The following SIMC1 variants were observed in gnomAD, a reference collection of about 807,000 sequenced individuals.
SIMC1 encodes the protein SUMO-interacting motif-containing protein 1.
SIMC1 carries 55 observed loss-of-function variants against 82.3 expected under a neutral mutation model. That is an observed-to-expected ratio of 0.67 (90% CI 0.54 to 0.84). SIMC1 has a LOEUF of 0.84. Among genes scored for constraint, SIMC1 ranks in the 40% least tolerant of loss-of-function variants. The pLI, the probability that SIMC1 is intolerant of heterozygous loss-of-function variation, is 0.00. For missense variants in SIMC1, 915 were observed against 1,107.2 expected, an observed-to-expected ratio of 0.83 and a Z score of 2.46; for synonymous variants, 353 against 426.3, an observed-to-expected ratio of 0.83 and a Z score of 2.12.
At chr5:176,324,070 C>G (rs866611542) in intron 6 of SIMC1, among the ~76,000 whole-genome samples, 15 of 151,836 alleles carry the variant, frequency 9.9e-5, no homozygotes, top group African/African-American at 3.4e-4. Context: ...GAGGTTGCCC[C>G]GACTCCTAAT....
rs561041635 is a variant in SIMC1 at position 176,262,450 on chromosome 5, TCC to T, written c.129+23814_129+23815del. 9.5e-3 allele frequency among the ~76,000 whole-genome samples: 1,408 copies of T among 148,722 alleles called. 15 individuals are homozygous for T. Among genetic ancestry groups the T allele is most frequent in the Middle Eastern group, 0.033 (9 of 272 alleles). On this transcript the variant is annotated intron_variant, in intron 1 of 9. Coordinates refer to ENST00000429602, the MANE Select transcript of SIMC1 (RefSeq NM_001308195.2). ...TAAGGCAAGGATGTCTCCTCACTAC[TCC>T]TTTTCAGCATTGTACTGGAAGTCCT...
At chr5:176,339,409 G>A (rs564004126) in intron 9 of SIMC1, among the ~76,000 whole-genome samples, 1 of 152,248 alleles carries the variant, frequency 6.6e-6, no homozygotes, top group African/African-American at 2.4e-5. Flanking sequence ...ATGATATGTG[G>A]TTGTGCAGTT....
intron 4 of SIMC1, chr5:176,308,209 C>CAAATA: frequency 6.6e-7 from 1 of 1,513,154 alleles, no homozygotes; most frequent in East Asian, 2.3e-5. Flanking sequence ...CAAGGAGTGA[C>CAAATA]TCCAAATTTG....
intron 7 of SIMC1, among the ~76,000 whole-genome samples, chr5:176,332,703 T>C (rs1005029515): frequency 6.6e-6 from 1 of 152,210 alleles, no homozygotes; most frequent in African/African-American, 2.4e-5. Context: ...CAATATTACA[T>C]ATTATTGGAT....
At chr5:176,259,049 A>G (rs1388837043) in intron 1 of SIMC1, among the ~76,000 whole-genome samples, 2 of 151,882 alleles carry the variant, frequency 1.3e-5, no homozygotes, top group South Asian at 2.1e-4. Flanking sequence ...ACCACTATCT[A>G]ATTTTAGAAC....
chr5:176,309,796 C>G (rs1764585454), intron 4 of SIMC1, among the ~76,000 whole-genome samples: 1 of 152,012 alleles, frequency 6.6e-6, no homozygotes, highest in Non-Finnish European at 1.5e-5. Context: ...AAAAAATTAG[C>G]TGGGCACCAT....
intron 9 of SIMC1, among the ~76,000 whole-genome samples, chr5:176,342,274 C>T (rs1766183117): frequency 6.6e-6 from 1 of 152,140 alleles, no homozygotes; most frequent in African/African-American, 2.4e-5. Flanking sequence ...TATTTACAAC[C>T]CTCTAAGTCT....
intron 1 of SIMC1, among the ~76,000 whole-genome samples, chr5:176,249,027 A>G (rs1460366733): frequency 1.3e-5 from 2 of 152,160 alleles, no homozygotes; most frequent in African/African-American, 4.8e-5. Context: ...GGATTTTTGC[A>G]TCGATGTTCA....
intron 7 of SIMC1, among the ~76,000 whole-genome samples, chr5:176,326,087 G>A (rs1765382081): frequency 6.6e-6 from 1 of 152,184 alleles, no homozygotes; most frequent in African/African-American, 2.4e-5. Flanking sequence ...GCTGGTACAG[G>A]AAATAAGTAT....
At chr5:176,322,489 C>T (rs1765211351) in intron 6 of SIMC1, 64 bp downstream of exon 6, 2 of 1,493,058 alleles carry the variant, frequency 1.3e-6, no homozygotes, top group East Asian at 2.4e-5. Context: ...GAGAACAACA[C>T]CAATCCCTAA....
At chr5:176,260,694 A>ATACCAT (rs572646539) in intron 1 of SIMC1, among the ~76,000 whole-genome samples, 208 of 152,266 alleles carry the variant, frequency 1.4e-3, no homozygotes, top group African/African-American at 4.7e-3. Flanking sequence ...ATTTTAATAT[A>ATACCAT]TACCACTATT....
At chr5:176,292,545 A>G (rs1207446831) in intron 2 of SIMC1, among the ~76,000 whole-genome samples, 1 of 151,022 alleles carries the variant, frequency 6.6e-6, no homozygotes. Flanking sequence ...CCACTAGCTC[A>G]TTCTTTTTTT....
chr5:176,242,802 TTAGAGGTGCTGGGAA>T (rs1478055487), intron 1 of SIMC1, among the ~76,000 whole-genome samples: 1 of 152,024 alleles, frequency 6.6e-6, no homozygotes, highest in Non-Finnish European at 1.5e-5. Context: ...CCAGGCACTC[TTAGAGGTGCTGGGAA>T]TACATCTATG....
chr5:176,277,979 T>A (rs57381392), intron 1 of SIMC1, among the ~76,000 whole-genome samples: 58,445 of 136,992 alleles, frequency 0.43, 13,328 homozygotes, highest in Non-Finnish European at 0.54. Flanking sequence ...TTTCCAATTC[T>A]GTGAAGAAAG....
At chr5:176,260,578 C>T (rs67639019) in intron 1 of SIMC1, among the ~76,000 whole-genome samples, 6 of 150,814 alleles carry the variant, frequency 4.0e-5, no homozygotes, top group Admixed American at 1.3e-4. Context: ...CATTAAAATA[C>T]GGTTTTTTTT....
intron 5 of SIMC1, among the ~76,000 whole-genome samples, chr5:176,315,500 C>T (rs866100716): frequency 6.6e-6 from 1 of 152,116 alleles, no homozygotes; most frequent in Non-Finnish European, 1.5e-5. Flanking sequence ...CAGATGTAAC[C>T]CCATCATAGG....
Position 176,324,714 on chromosome 5 carries a change from A to C in SIMC1, c.2128A>C (p.Met710Leu). The change falls in exon 7 of 10, where the codon ATG (methionine) becomes CTG (leucine). Residue 710 changes from methionine to leucine, a missense_variant. By Grantham distance (15) the Met-to-Leu change is conservative. Coordinates refer to ENST00000429602, the MANE Select transcript of SIMC1 (RefSeq NM_001308195.2). ...CTGCAGCTCCAATAAAATTGCCGAGATGATGTTTGGGTTTGTGCTGGACAT... is the reference window on the plus strand; with the variant it reads ...CTGCAGCTCCAATAAAATTGCCGAGCTGATGTTTGGGTTTGTGCTGGACAT... Reference protein sequence around the residue: ...PTCSSNKIAEMMFGFVLDIPE... With the variant: ...PTCSSNKIAELMFGFVLDIPE... 6.2e-7 allele frequency: 1 copy of C among 1,602,768 alleles called. No homozygotes were observed. Among genetic ancestry groups the C allele is most frequent in the Non-Finnish European group, 8.5e-7 (1 of 1,174,590 alleles).
chr5:176,332,580 G>A lies in SIMC1; in HGVS notation c.2172-4140G>A, dbSNP rs142702650. Among the ~76,000 whole-genome samples, 350 of 152,216 alleles carry A rather than the reference G, an allele frequency of 2.3e-3. 1 individual carries two copies. Among genetic ancestry groups the A allele is most frequent in the African/African-American group, 6.3e-3 (261 of 41,524 alleles). ...GCTGGGATTACAGACATGAGCCACC[G>A]TGCCTGGCCTTAGTTTATTTTTAGA... On this transcript the variant is annotated intron_variant, in intron 7 of 9. Coordinates refer to ENST00000429602, the MANE Select transcript of SIMC1 (RefSeq NM_001308195.2).
intron 1 of SIMC1, among the ~76,000 whole-genome samples, chr5:176,279,958 G>C (rs1463957160): frequency 6.6e-6 from 1 of 152,066 alleles, no homozygotes. Context: ...CTGTTGATTT[G>C]GGGTGGAGAG....
Sources: gnomAD v4.1 joint callset for allele counts (sites outside exome capture counted in the v4.1 genomes callset) on GRCh38, gnomAD v4.1.1 for gene constraint, MANE v1.5 for transcripts, NCBI Gene and HGNC (gene_info 2026-07-23, HGNC 2026-07-21) for gene names.